The following ANKS1B variants were observed in gnomAD, a reference collection of about 807,000 sequenced individuals.
ANKS1B encodes ankyrin repeat and sterile alpha motif domain-containing protein 1B.
ANKS1B carries 36 observed loss-of-function variants against 148.3 expected under a neutral mutation model. The ratio of observed to expected loss-of-function variants is 0.24; its 90% confidence interval spans 0.19 to 0.32. ANKS1B has a LOEUF of 0.32. ANKS1B is among the 10% of genes least tolerant of loss of function. The pLI is 1.00. For missense variants in ANKS1B, 1,157 were observed against 1,542.6 expected (o/e 0.75, Z 4.19); for synonymous variants, 542 against 560.8 (o/e 0.97, Z 0.47).
At chr12:99,691,744 GCCAAAGTT>G (rs1339194997) in intron 8 of ANKS1B, among the ~76,000 whole-genome samples, 2 of 152,222 alleles carry the variant, frequency 1.3e-5, no homozygotes, top group African/African-American at 4.8e-5. Flanking sequence ...TCCAACCTCT[GCCAAAGTT>G]CCAAAGTTGC....
intron 17 of ANKS1B, among the ~76,000 whole-genome samples, chr12:98,917,388 C>G (rs2099795826): frequency 6.6e-6 from 1 of 152,118 alleles, no homozygotes; most frequent in African/African-American, 2.4e-5. Flanking sequence ...ACTTTATGCT[C>G]CAGAGAGCCA....
chr12:98,996,737 C>T (rs938822610), intron 17 of ANKS1B, among the ~76,000 whole-genome samples: 20 of 140,466 alleles, frequency 1.4e-4, no homozygotes, highest in Non-Finnish European at 1.8e-4. Context: ...GGCATGAACC[C>T]GGGAGGCGGA....
At chr12:98,758,996 G>C (rs1157448186) in intron 25 of ANKS1B, among the ~76,000 whole-genome samples, 3 of 150,292 alleles carry the variant, frequency 2.0e-5, no homozygotes, top group Non-Finnish European at 4.4e-5. Flanking sequence ...GGCCAGGCTG[G>C]TCTCGAGCTC....
intron 10 of ANKS1B, among the ~76,000 whole-genome samples, chr12:99,464,999 C>T (rs1039251444): frequency 1.3e-5 from 2 of 152,062 alleles, no homozygotes; most frequent in African/African-American, 4.8e-5. Flanking sequence ...GTCAGATTCA[C>T]CAAAGTTGAA....
chr12:99,059,917 C>CT (rs1296141463), intron 16 of ANKS1B, among the ~76,000 whole-genome samples: 1 of 151,760 alleles, frequency 6.6e-6, no homozygotes, highest in Admixed American at 6.6e-5. Flanking sequence ...AATGATGAAA[C>CT]TTTTTTTCCA....
chr12:99,353,197 G>A (rs1362000693), intron 12 of ANKS1B, among the ~76,000 whole-genome samples: 1 of 152,020 alleles, frequency 6.6e-6, no homozygotes, highest in East Asian at 1.9e-4. Flanking sequence ...ATATACATGG[G>A]TGAAATGTGG....
intron 1 of ANKS1B, among the ~76,000 whole-genome samples, chr12:99,908,943 T>C (rs1185049711): frequency 6.6e-6 from 1 of 152,150 alleles, no homozygotes; most frequent in Non-Finnish European, 1.5e-5. Flanking sequence ...GTACATTGGA[T>C]CTCTAGACAT....
At chr12:99,436,891 C>A (rs534391197) in intron 11 of ANKS1B, among the ~76,000 whole-genome samples, 1 of 151,842 alleles carries the variant, frequency 6.6e-6, no homozygotes. Flanking sequence ...TTTTCTTTAC[C>A]TCTACAGCCT....
At position 99,683,979 on chromosome 12, in the gene ANKS1B, T is replaced by A. The variant is rs189187098; in HGVS notation, c.1129-28769A>T. ...ATATCTTAAGGTAATAAAATCCATC[T>A]AAGACAAACCCACAGCCAATATTAT... On this transcript the variant is annotated intron_variant, in intron 8 of 26. Transcript: ENST00000683438. Among the ~76,000 whole-genome samples the A allele has an allele frequency of 1.3e-3, 191 of 152,198 alleles. 1 individual carries two copies. The highest frequency in any genetic ancestry group is 4.5e-3 in the African/African-American group (185 of 41,520).
intron 14 of ANKS1B, among the ~76,000 whole-genome samples, chr12:99,218,272 A>T (rs2084549104): frequency 6.6e-6 from 1 of 152,124 alleles, no homozygotes; most frequent in Non-Finnish European, 1.5e-5. Context: ...TTTCTCCCTA[A>T]GTCCTCTGAA....
At chr12:99,263,607 CA>C (rs1364346054) in intron 12 of ANKS1B, among the ~76,000 whole-genome samples, 1 of 152,078 alleles carries the variant, frequency 6.6e-6, no homozygotes, top group African/African-American at 2.4e-5. Flanking sequence ...TGTCCCTACC[CA>C]AATCTTATCT....
chr12:99,588,708 T>C (rs75992280), intron 9 of ANKS1B, among the ~76,000 whole-genome samples: 2,868 of 152,126 alleles, frequency 0.019, 84 homozygotes, highest in South Asian at 0.075. Context: ...TTCTAGAACT[T>C]TCCTATGTGA....
intron 14 of ANKS1B, among the ~76,000 whole-genome samples, chr12:99,161,551 C>T (rs2076662541): frequency 6.6e-6 from 1 of 152,028 alleles, no homozygotes; most frequent in Non-Finnish European, 1.5e-5. Flanking sequence ...AAATCCCCCC[C>T]AAAACCCAGT....
At chr12:99,529,769 A>G (rs1456305833) in intron 9 of ANKS1B, among the ~76,000 whole-genome samples, 1 of 148,134 alleles carries the variant, frequency 6.8e-6, no homozygotes, top group Non-Finnish European at 1.5e-5. Flanking sequence ...TTCAAGCTTC[A>G]TCAGCTCATA....
intron 9 of ANKS1B, among the ~76,000 whole-genome samples, chr12:99,584,596 TGA>T (rs1020692637): frequency 2.0e-5 from 3 of 151,644 alleles, no homozygotes; most frequent in South Asian, 4.1e-4. Context: ...GATCCTGTTT[TGA>T]GAGAGAAATA....
chr12:99,837,735 C>A (rs1419225531), intron 1 of ANKS1B, among the ~76,000 whole-genome samples: 1 of 152,152 alleles, frequency 6.6e-6, no homozygotes, highest in African/African-American at 2.4e-5. Flanking sequence ...CATTATACTT[C>A]AGTCTCATTG....
At chr12:99,084,223 T>C (rs2153626568) in intron 16 of ANKS1B, among the ~76,000 whole-genome samples, 1 of 152,234 alleles carries the variant, frequency 6.6e-6, no homozygotes, top group Non-Finnish European at 1.5e-5. Flanking sequence ...TTGCAGGAGA[T>C]ATCGTCTCTT....
intron 8 of ANKS1B, among the ~76,000 whole-genome samples, chr12:99,700,471 C>T (rs2054624861): frequency 6.6e-6 from 1 of 152,152 alleles, no homozygotes; most frequent in African/African-American, 2.4e-5. Context: ...CACACTGTGG[C>T]TGTACCTTTT....
At chr12:99,377,783 A>G (rs2093451570) in intron 12 of ANKS1B, among the ~76,000 whole-genome samples, 1 of 152,216 alleles carries the variant, frequency 6.6e-6, no homozygotes, top group African/African-American at 2.4e-5. Flanking sequence ...TTTTCCAAAG[A>G]TGGCTACAAC....
Sources: allele counts gnomAD v4.1 joint callset (sites outside exome capture counted in the v4.1 genomes callset), GRCh38; gene constraint gnomAD v4.1.1; transcripts MANE v1.5; gene names NCBI Gene and HGNC (gene_info 2026-07-23, HGNC 2026-07-21).